The following GATA4 variants were observed in gnomAD, a reference collection of about 807,000 sequenced individuals.
GATA4 encodes transcription factor GATA-4.
GATA4 carries 7 observed loss-of-function variants against 37.9 expected under a neutral mutation model. The ratio of observed to expected loss-of-function variants is 0.18; its 90% CI spans 0.11 to 0.35. The LOEUF is 0.35. Ranked by LOEUF, GATA4 falls within the 10% of genes least tolerant of loss-of-function variation. The probability of loss-of-function intolerance (pLI) is 1.00; values close to 1 mark genes in which losing one functional copy is unlikely to be tolerated. For missense variants in GATA4, 647 were observed against 653.0 expected, an observed-to-expected ratio of 0.99 and a Z score of 0.10; for synonymous variants, 372 against 292.6, an observed-to-expected ratio of 1.27 and a Z score of -2.77.
At chr8:11,714,881 T>C (rs1800368062) in intron 2 of GATA4, among the ~76,000 whole-genome samples, 1 of 152,196 alleles carries the variant, frequency 6.6e-6, no homozygotes, top group African/African-American at 2.4e-5. Flanking sequence ...CGCTCTGACC[T>C]TTATGGAGAG....
At position 11,693,522 on chromosome 8, in the gene GATA4, A is replaced by AACACAC. The variant is rs140439542; in HGVS notation, c.-729+898_-729+903dup. On this transcript the variant is annotated intron_variant, in intron 1 of 2. Transcript: ENST00000526974. ...AAAAAAAGAGGATTGATTCAGCACA[A>AACACAC]ACACACACACACACACACACACACA... is the stretch of plus-strand genomic sequence containing the variant. Among the ~76,000 whole-genome samples the AACACAC allele has an allele frequency of 2.3e-3, 252 of 110,000 alleles. 3 individuals are homozygous for AACACAC. Among genetic ancestry groups the AACACAC allele is most frequent in the African/African-American group, 8.4e-3 (214 of 25,574 alleles). The allele number at this position is 110,000 out of a possible 152,430, so 72.2% of individuals were successfully genotyped here.
intron 2 of GATA4, among the ~76,000 whole-genome samples, chr8:11,737,645 G>T (rs1585659045): frequency 6.6e-6 from 1 of 152,238 alleles, no homozygotes; most frequent in African/African-American, 2.4e-5. Flanking sequence ...AGGGTGCTGT[G>T]AAAGATGACA....
Position 11,713,418 on chromosome 8 carries a change from G to A in GATA4, c.616+4490G>A, listed in dbSNP as rs191225754. ...TTGCGTAGGGATCTTGGTGGTAATTGCCCCAGGACTCTGCCCTGCCTGGGT... is the reference window on the plus strand; with the variant it reads ...TTGCGTAGGGATCTTGGTGGTAATTACCCCAGGACTCTGCCCTGCCTGGGT... On this transcript the variant is annotated intron_variant, in intron 2 of 6. Coordinates refer to ENST00000532059, the MANE Select transcript of GATA4 (RefSeq NM_001308093.3). Among the ~76,000 whole-genome samples the A allele has an allele frequency of 2.9e-3, 442 of 152,238 alleles. 2 individuals are homozygous for A. The highest frequency in any genetic ancestry group is 5.0e-3 in the South Asian group (24 of 4,810).
chr8:11,711,424 G>A (rs1800177185), intron 2 of GATA4, among the ~76,000 whole-genome samples: 1 of 152,326 alleles, frequency 6.6e-6, no homozygotes, highest in Middle Eastern at 3.4e-3. Flanking sequence ...GAACTTGTTG[G>A]CATTCATAGC....
In GATA4 at chr8:11,707,748, C is replaced by T. The variant is rs1171104752; in HGVS notation, c.-457-108C>T. 1.3e-5 allele frequency: 2 copies of T among 159,090 alleles called. No homozygotes were observed. The highest frequency in any genetic ancestry group is 1.8e-4 in the South Asian group (1 of 5,464). The allele number at this position is 159,090 out of a possible 1,614,324, so 9.9% of individuals were successfully genotyped here. On this transcript the variant is annotated intron_variant, in intron 1 of 6. Coordinates refer to ENST00000532059, the MANE Select transcript of GATA4 (RefSeq NM_001308093.3). This position sits in a 1 kb window ranked among gnomAD's most constrained non-coding sequence, Gnocchi z 4.7. ...CTCCGGAGCTGCACCCCCAAATCCCCGTGGCGACTTCATTTGAAGCGTGGA... is the reference window on the plus strand; with the variant it reads ...CTCCGGAGCTGCACCCCCAAATCCCTGTGGCGACTTCATTTGAAGCGTGGA...
intron 1 of GATA4, among the ~76,000 whole-genome samples, chr8:11,706,390 A>G (rs994193582): frequency 2.6e-5 from 4 of 152,220 alleles, no homozygotes; most frequent in Admixed American, 6.5e-5. Flanking sequence ...CTGTAGTAAT[A>G]GTCAACTGTT....
upstream of GATA4, among the ~76,000 whole-genome samples, chr8:11,692,338 G>A (rs971744236): frequency 6.6e-6 from 1 of 152,210 alleles, no homozygotes; most frequent in Non-Finnish European, 1.5e-5. Context: ...TGCTCCATGA[G>A]AACATTAGAA....
chr8:11,697,391 C>T (rs1799537744), intron 1 of GATA4, among the ~76,000 whole-genome samples: 2 of 152,350 alleles, frequency 1.3e-5, no homozygotes, highest in South Asian at 4.1e-4. Context: ...ATTCCAAGCT[C>T]CGTGCCTCCC....
intron 4 of GATA4, among the ~76,000 whole-genome samples, chr8:11,753,248 C>G (rs991579465): frequency 1.3e-5 from 2 of 152,060 alleles, no homozygotes; most frequent in East Asian, 3.9e-4. Context: ...AATTCTGGCC[C>G]CTGACACCAC....
chr8:11,708,947 G>T lies in GATA4; in HGVS notation c.616+19G>T. 1.3e-6 allele frequency: 2 copies of T among 1,519,450 alleles called. No homozygotes were observed. Among genetic ancestry groups the T allele is most frequent in the Non-Finnish European group, 8.8e-7 (1 of 1,140,364 alleles). The allele number at this position is 1,519,450 out of a possible 1,614,324, so 94.1% of individuals were successfully genotyped here. A position where few individuals can be genotyped will look rare whatever the true frequency, so the allele number is the denominator to read the frequency against. ...AATCTCGGTGAGTAGGAGCGCGAGG[G>T]CTGGGGCGCGTGAGGGCCGGGGCAG... is the stretch of plus-strand genomic sequence containing the variant. On this transcript the variant is annotated intron_variant, in intron 2 of 6. Transcript: ENST00000532059. This position sits in a 1 kb window ranked among gnomAD's most constrained non-coding sequence, Gnocchi z 6.7.
intron 2 of GATA4, among the ~76,000 whole-genome samples, chr8:11,737,754 G>A (rs1246416190): frequency 6.6e-6 from 1 of 152,206 alleles, no homozygotes; most frequent in East Asian, 1.9e-4. Flanking sequence ...TGTAGGAAAG[G>A]AAGGTGGGAG....
intron 2 of GATA4, among the ~76,000 whole-genome samples, chr8:11,724,143 CT>C (rs954754069): frequency 2.7e-4 from 40 of 148,826 alleles, no homozygotes; most frequent in Non-Finnish European, 3.7e-4. Flanking sequence ...TGCAGCATGT[CT>C]TTTTTTTTTA....
intron 2 of GATA4, among the ~76,000 whole-genome samples, chr8:11,737,470 G>A (rs778451123): frequency 6.6e-6 from 1 of 152,218 alleles, no homozygotes; most frequent in African/African-American, 2.4e-5. Context: ...TCCTAACTGG[G>A]GTTGCAGAGT....
intron 2 of GATA4, among the ~76,000 whole-genome samples, chr8:11,729,720 T>A (rs1211387327): frequency 6.6e-6 from 1 of 152,186 alleles, no homozygotes; most frequent in Middle Eastern, 3.2e-3. Flanking sequence ...TGCAAAATTG[T>A]GTTCGCTGAA....
chr8:11,680,082 G>A (rs1008057885), intron 1 of GATA4, among the ~76,000 whole-genome samples: 1 of 152,238 alleles, frequency 6.6e-6, no homozygotes, highest in South Asian at 2.1e-4. Context: ...ACTTCCCGCC[G>A]GAGAAGGTCT....
rs760824175 is a variant in GATA4 at position 11,708,350 on chromosome 8, C to T, written c.38C>T (p.Pro13Leu). 1 of 1,583,514 alleles carries T rather than the reference C, an allele frequency of 6.3e-7. No homozygotes were observed. The highest frequency in any genetic ancestry group is 8.5e-7 in the Non-Finnish European group (1 of 1,172,840). Residue 13 changes from proline to leucine, a missense_variant, in exon 2 of 7, where the codon CCG (proline) becomes CTG (leucine). Around this residue, in one of 5 missense-constraint regions of GATA4, gnomAD observed 379 missense variants for 334.5 expected, o/e 1.13. Coordinates refer to ENST00000532059, the MANE Select transcript of GATA4 (RefSeq NM_001308093.3). This position sits in a 1 kb window ranked among gnomAD's most constrained non-coding sequence, Gnocchi z 6.7. ...TTGGCCATGGCCGCCAACCACGGGC[C>T]GCCCCCCGGTGCCTACGAGGCGGGC... ...QSLAMAANHG[P>L]PPGAYEAGGP...
In GATA4 at chr8:11,693,562, C is replaced by CAGAGAGAG. The variant is rs139631153; in HGVS notation, c.-729+928_-729+935dup. Among the ~76,000 whole-genome samples, 49 of 72,226 alleles carry CAGAGAGAG rather than the reference C, an allele frequency of 6.8e-4. 1 individual carries two copies. The highest frequency in any genetic ancestry group is 0.014 in the Middle Eastern group (2 of 140). 47.4% of individuals were successfully genotyped at this position (72,226 alleles called of 152,430 possible). The stretch of plus-strand genomic sequence containing the variant: ...ACACACACACACACACACACACACA[C>CAGAGAGAG]AGAGAGAGAGAGAGAGAGAGAGAGA... On this transcript the variant is annotated intron_variant, in intron 1 of 2. Coordinates refer to the GATA4 transcript ENST00000526974.
intron 1 of GATA4, among the ~76,000 whole-genome samples, chr8:11,698,503 C>G (rs749782029): frequency 6.6e-6 from 1 of 152,096 alleles, no homozygotes; most frequent in African/African-American, 2.4e-5. Context: ...TCTGCCTGTC[C>G]TCCTCTGTCT....
intron 2 of GATA4, among the ~76,000 whole-genome samples, chr8:11,736,310 T>C (rs1801450780): frequency 6.6e-6 from 1 of 152,244 alleles, no homozygotes; most frequent in Admixed American, 6.5e-5. Context: ...CCACGTTGAA[T>C]GCTTTCACAG....
Sources: allele counts gnomAD v4.1 joint callset (sites outside exome capture counted in the v4.1 genomes callset), GRCh38; gene constraint gnomAD v4.1.1; regional missense constraint gnomAD v4.1.1; non-coding constraint Gnocchi (gnomAD v3.1); transcripts MANE v1.5; gene names NCBI Gene and HGNC (gene_info 2026-07-23, HGNC 2026-07-21).